Variants in PTPRH observed in about 807,000 individuals in gnomAD.
PTPRH encodes receptor-type tyrosine-protein phosphatase H.
Under a neutral mutation model 130.2 loss-of-function variants are expected in PTPRH, and 113 were observed. The ratio of observed to expected loss-of-function variants is 0.87; its 90% CI spans 0.75 to 1.01. The LOEUF (loss-of-function observed/expected upper bound fraction) is 1.01, where lower values mean the gene tolerates loss of function less well. PTPRH is among the 50% of genes least tolerant of loss of function. The pLI is 0.00. For synonymous variants in PTPRH, 556 were observed against 577.9 expected, an observed-to-expected ratio of 0.96 and a Z score of 0.54; for missense variants, 1,430 against 1,425.0, an observed-to-expected ratio of 1.00 and a Z score of -0.06.
chr19:55,186,485 G>A lies in PTPRH; in HGVS notation c.2622C>T (p.Tyr874=). The change falls in exon 15 of 20, where the codon TAC becomes TAT. Residue 874 remains tyrosine, a synonymous_variant. Coordinates refer to ENST00000376350, the MANE Select transcript of PTPRH (RefSeq NM_002842.5). The part of the protein sequence containing the change: ...KPIHEEPGSD[Y]INASFMPGLW... ...TTACGGGCATGAAGCTGGCATTGAT[G>A]TAGTCAGAGCCTGGCTCCTCATGGA... is the stretch of plus-strand genomic sequence containing the variant. 4 of 1,574,260 alleles carry A rather than the reference G, an allele frequency of 2.5e-6. No homozygotes were observed. The highest frequency in any genetic ancestry group is 3.4e-6 in the Non-Finnish European group (4 of 1,165,540).
chr19:55,207,130 T>C, intron 2 of PTPRH, 36 bp downstream of exon 2: 1 of 1,611,570 alleles, frequency 6.2e-7, no homozygotes, highest in Non-Finnish European at 8.5e-7. Flanking sequence ...TCCCACCTCT[T>C]CGAGTGGGCA....
chr19:55,193,531 G>A (rs1395897653), intron 10 of PTPRH, among the ~76,000 whole-genome samples: 9 of 152,190 alleles, frequency 5.9e-5, no homozygotes, highest in South Asian at 2.1e-4. Context: ...AAGAGACACC[G>A]GGCAATGTCT....
intron 13 of PTPRH, 96 bp from the exon 14 acceptor site, chr19:55,187,699 C>A: frequency 1.1e-6 from 1 of 876,670 alleles, no homozygotes; most frequent in South Asian, 1.4e-5. Flanking sequence ...CGGCATCACC[C>A]CTTGTTTATT....
At chr19:55,188,855 T>C (rs1028063253) in intron 12 of PTPRH, among the ~76,000 whole-genome samples, 2 of 152,226 alleles carry the variant, frequency 1.3e-5, no homozygotes, top group Non-Finnish European at 2.9e-5. Context: ...GTTCATTTCC[T>C]GGGCAGGCCC....
chr19:55,206,613 A>AT (rs2087065783), intron 3 of PTPRH, 76 bp downstream of exon 3: 3 of 1,387,276 alleles, frequency 2.2e-6, no homozygotes, highest in Admixed American at 4.7e-5. Context: ...AACCTGTCGC[A>AT]TTTTGTCAGC....
rs2086953660 is a variant in PTPRH at position 55,203,869 on chromosome 19, G to A, written c.799C>T (p.Leu267Phe). The A allele has an allele frequency of 6.2e-7, 1 of 1,614,070 alleles. No homozygotes were observed. Among genetic ancestry groups the A allele is most frequent in the Non-Finnish European group, 8.5e-7 (1 of 1,180,054 alleles). ...TTDTRVTVDG[L>F]GPGSLYTCSV... ...CACGTATACAATGACCCGGGTCCAA[G>A]GCCATCCACGGTGACTCTGGTGTCT... Residue 267 changes from leucine (L) to phenylalanine (F), a missense_variant, in exon 5 of 20, where the codon CTT becomes TTT. Leu to Phe is a conservative substitution (Grantham distance 22). Transcript: ENST00000376350.
chr19:55,199,703 G>T (rs1254174455), intron 7 of PTPRH, among the ~76,000 whole-genome samples: 1 of 148,452 alleles, frequency 6.7e-6, no homozygotes, highest in African/African-American at 2.5e-5. Flanking sequence ...AGGAAGGGAG[G>T]GAGGAGGGGA....
In PTPRH at chr19:55,186,297, G is replaced by A; in HGVS notation, c.2706C>T (p.Asp902=). ...TQGPLPQTVG[D]FWRLVWEQQS... ...GCTGTTCCCACACCAGGCGCCAGAA[G>A]TCACCCACTGTCTGTGGCAGGGGAC... Residue 902 remains aspartate (D), a synonymous_variant, in exon 16 of 20, where the codon GAC becomes GAT. Coordinates refer to ENST00000376350, the MANE Select transcript of PTPRH (RefSeq NM_002842.5). 1 of 1,614,082 alleles carries A rather than the reference G, an allele frequency of 6.2e-7. No individual in the cohort carries two copies. Among genetic ancestry groups the A allele is most frequent in the Non-Finnish European group, 8.5e-7 (1 of 1,179,978 alleles).
chr19:55,181,789 C>T lies in PTPRH; in HGVS notation c.3313G>A (p.Val1105Met), dbSNP rs374175109. ...EDVENLIYENVAAIQAHKLEV is the reference protein window; with the variant it reads ...EDVENLIYENMAAIQAHKLEV ...AACTTGTGGGCCTGGATGGCGGCCA[C>T]GTTCTCGTAGATGAGGTTTTCGACA... Residue 1105 changes from valine to methionine, a missense_variant, in exon 20 of 20, where the codon GTG (valine) becomes ATG (methionine). Physicochemically the swap from Val to Met is conservative, Grantham distance 21. Coordinates refer to ENST00000376350, the MANE Select transcript of PTPRH (RefSeq NM_002842.5). 68 of 1,614,170 alleles carry T rather than the reference C, an allele frequency of 4.2e-5. No individual in the cohort carries two copies. The highest frequency in any genetic ancestry group is 2.3e-4 in the Admixed American group (14 of 60,010).
chr19:55,187,269 CG>C (rs367768824), intron 14 of PTPRH, among the ~76,000 whole-genome samples: 7,096 of 130,556 alleles, frequency 0.054, 252 homozygotes, highest in Middle Eastern at 0.18. Context: ...GGCGTGAACC[CG>C]GGAGGCGGAG....
In PTPRH at chr19:55,203,768, C is replaced by T. The variant is rs748713467; in HGVS notation, c.886+14G>A. On this transcript the variant is annotated intron_variant, in intron 5 of 19. Coordinates refer to ENST00000376350, the MANE Select transcript of PTPRH (RefSeq NM_002842.5). ...TATAAAAGAAATAAAAATAAAACAG[C>T]GGCTGCCTCTTACCTGTGGCACTAG... 86 of 1,588,818 alleles carry T rather than the reference C, an allele frequency of 5.4e-5. No homozygotes were observed. Among genetic ancestry groups the T allele is most frequent in the African/African-American group, 1.3e-4 (10 of 74,156 alleles).
At chr19:55,189,777 T>TC in intron 12 of PTPRH, 1 of 454,712 alleles carries the variant, frequency 2.2e-6, no homozygotes, top group South Asian at 1.6e-5. Context: ...GGCCAGAAGT[T>TC]CAAGACCAGC....
In PTPRH at chr19:55,182,066, T is replaced by C. The variant is rs755099290; in HGVS notation, c.3148A>G (p.Ser1050Gly). The part of the protein sequence containing the change: ...LQSEGLLGPF[S>G]FVRKMRESRP... ...CTCTCTCTCATCTTCCTTACAAAGC[T>C]GAAGGGCCCAAGGAGACCCTCGGAC... Residue 1050 changes from serine (S) to glycine (G), a missense_variant, in exon 19 of 20, where the codon AGC becomes GGC. Ser to Gly is a moderately conservative substitution (Grantham distance 56). Transcript: ENST00000376350. 1 of 1,614,080 alleles carries C rather than the reference T, an allele frequency of 6.2e-7. No homozygotes were observed. Among genetic ancestry groups the C allele is most frequent in the South Asian group, 1.1e-5 (1 of 91,078 alleles).
At position 55,187,565 on chromosome 19, in the gene PTPRH, C is replaced by T; in HGVS notation, c.2514G>A (p.Val838=). The T allele has an allele frequency of 6.2e-7, 1 of 1,613,458 alleles. No homozygotes were observed. Among genetic ancestry groups the T allele is most frequent in the Non-Finnish European group, 8.5e-7 (1 of 1,179,696 alleles). The change falls in exon 14 of 20, where the codon GTG becomes GTA. Residue 838 remains valine, a synonymous_variant. Transcript: ENST00000376350. ...SLVGHSQSQM[V]ASASENNAKN... ...TGGCGTTGTTCTCTGAAGCCGAAGC[C>T]ACCATCTGAGACTGGCTGTGGCCCA... is the stretch of plus-strand genomic sequence containing the variant.
chr19:55,207,311 G>T, intron 1 of PTPRH, 112 bp from the exon 2 acceptor site: 1 of 1,175,438 alleles, frequency 8.5e-7, no homozygotes, highest in Non-Finnish European at 1.2e-6. Flanking sequence ...ACCCTTGCAT[G>T]GGAAGGAGGG....
At chr19:55,199,747 A>G (rs370244511) in intron 7 of PTPRH, among the ~76,000 whole-genome samples, 27 of 92,464 alleles carry the variant, frequency 2.9e-4, no homozygotes, top group Admixed American at 1.7e-3. Context: ...AGGAAAGAGA[A>G]GGAAAGAAAG....
chr19:55,199,017 C>T (rs547787836), intron 7 of PTPRH, 105 bp from the exon 8 acceptor site: 4 of 1,158,488 alleles, frequency 3.5e-6, no homozygotes, highest in South Asian at 6.4e-5. Flanking sequence ...TCCAGAAACA[C>T]TTCCTGGCAG....
At position 55,186,345 on chromosome 19, in the gene PTPRH, G is replaced by A. The variant is rs1211731494; in HGVS notation, c.2658C>T (p.Pro886=). The change falls in exon 16 of 20, where the codon CCC becomes CCT. Residue 886 remains proline (P), a synonymous_variant. Transcript: ENST00000376350. The part of the protein sequence containing the change: ...NASFMPGLWS[P]QEFIATQGPL... Reference sequence around the variant, plus strand: ...GACCCTGGGTTGCAATGAACTCCTGGGGGCTCCAGAGACCCTGGTTGAGGA... The same window carrying A: ...GACCCTGGGTTGCAATGAACTCCTGAGGGCTCCAGAGACCCTGGTTGAGGA... 1 of 1,613,842 alleles carries A rather than the reference G, an allele frequency of 6.2e-7. No homozygotes were observed. Among genetic ancestry groups the A allele is most frequent in the Non-Finnish European group, 8.5e-7 (1 of 1,179,876 alleles).
chr19:55,206,458 G>A (rs1462098577), intron 3 of PTPRH, among the ~76,000 whole-genome samples: 1 of 151,110 alleles, frequency 6.6e-6, no homozygotes. Flanking sequence ...CGAGTAGATG[G>A]GACCACGGGA....
Sources: gnomAD v4.1 joint callset for allele counts (sites outside exome capture counted in the v4.1 genomes callset) on GRCh38, gnomAD v4.1.1 for gene constraint, MANE v1.5 for transcripts, NCBI Gene and HGNC (gene_info 2026-07-23, HGNC 2026-07-21) for gene names.